The following CRYBG1 variants were observed in gnomAD, a reference collection of about 807,000 sequenced individuals.
The protein encoded by CRYBG1 is crystallin beta-gamma domain containing 1, also known as beta/gamma crystallin domain-containing protein 1.
A neutral mutation model predicts 189.2 loss-of-function variants in CRYBG1; 139 were observed. The ratio of observed to expected loss-of-function variants is 0.73; its 90% CI spans 0.64 to 0.85. CRYBG1 has a LOEUF of 0.85. Ranked by LOEUF, CRYBG1 falls within the 40% of genes least tolerant of loss-of-function variation. The pLI, the probability that CRYBG1 is intolerant of heterozygous loss-of-function variation, is 0.00. For synonymous variants in CRYBG1, 1,023 were observed against 1,017.1 expected, an observed-to-expected ratio of 1.01 and a Z score of -0.11; for missense variants, 2,611 against 2,675.8, an observed-to-expected ratio of 0.98 and a Z score of 0.53.
In CRYBG1 at chr6:106,553,639, A is replaced by G. The variant is rs1223822007; in HGVS notation, c.5585+72A>G. On this transcript the variant is annotated intron_variant, in intron 16 of 21. Coordinates refer to ENST00000633556, the MANE Select transcript of CRYBG1 (RefSeq NM_001371242.2). ...AGAATTCACACATCAGCAAGTATAT[A>G]GTGATGCCTGTTAGGTGCTTGGCAC... 9.8e-6 allele frequency: 10 copies of G among 1,023,248 alleles called. No homozygotes were observed. The East Asian group carries it at 1.2e-4, about 12-fold the overall frequency. The allele number at this position is 1,023,248 out of a possible 1,614,324, so 63.4% of individuals were successfully genotyped here.
intron 9 of CRYBG1, chr6:106,541,081 C>A: frequency 3.1e-6 from 1 of 323,272 alleles, no homozygotes; most frequent in Non-Finnish European, 6.2e-6. Context: ...TTTCGTAAGC[C>A]CTGGTTGCAA....
At position 106,571,406 on chromosome 6, in the gene CRYBG1, T is replaced by C. The variant is rs949314557; in HGVS notation, c.*2840T>C. 1.2e-4 allele frequency: 19 copies of C among 152,458 alleles called. No homozygotes were observed. The highest frequency in any genetic ancestry group is 4.3e-4 in the African/African-American group (18 of 41,442). The allele number at this position is 152,458 out of a possible 1,614,324, so 9.4% of individuals were successfully genotyped here. A position where few individuals can be genotyped will look rare whatever the true frequency, so the allele number is the denominator to read the frequency against. ...ACACTGAAAGTTTTAGTATTGTACA[T>C]TAAGACGATCAGGCCCAGCAGGGTG... On this transcript the variant is annotated 3_prime_UTR_variant, in exon 22 of 22. Coordinates refer to ENST00000633556, the MANE Select transcript of CRYBG1 (RefSeq NM_001371242.2).
chr6:106,552,192 C>T lies in CRYBG1; in HGVS notation c.5448C>T (p.Phe1816=). 6.3e-7 allele frequency: 1 copy of T among 1,584,896 alleles called. No homozygotes were observed. The highest frequency in any genetic ancestry group is 8.6e-7 in the Non-Finnish European group (1 of 1,161,502). Residue 1816 remains phenylalanine, a synonymous_variant, in exon 15 of 22, where the codon TTC becomes TTT. Transcript: ENST00000633556. ...SSVQPICLDS[F]TGPRRRNQIH... ...CCTTTAAAAATTTTTAGGATTCTTT[C>T]ACTGGCCCAAGGAGACGAAATCAGG...
chr6:106,544,583 T>C lies in CRYBG1; in HGVS notation c.5052T>C (p.Tyr1684=), dbSNP rs1774218039. 7 of 1,613,824 alleles carry C rather than the reference T, an allele frequency of 4.3e-6. No homozygotes were observed. The highest frequency in any genetic ancestry group is 5.9e-6 in the Non-Finnish European group (7 of 1,179,842). The part of the protein sequence containing the change: ...MKVLRGIWVA[Y]EKPGFTGHQY... ...CTTTATGTTGCAGTTGGGTTGCATATGAGAAACCTGGATTTACCGGTCATC... is the reference window on the plus strand; with the variant it reads ...CTTTATGTTGCAGTTGGGTTGCATACGAGAAACCTGGATTTACCGGTCATC... Residue 1684 remains tyrosine, a synonymous_variant, in exon 12 of 22, where the codon TAT becomes TAC. Coordinates refer to ENST00000633556, the MANE Select transcript of CRYBG1 (RefSeq NM_001371242.2).
intron 1 of CRYBG1, among the ~76,000 whole-genome samples, chr6:106,390,535 C>A (rs745355001): frequency 1.1e-4 from 16 of 152,046 alleles, no homozygotes; most frequent in Non-Finnish European, 2.1e-4. Flanking sequence ...TAACCACAAT[C>A]CAGATAAAAA....
At chr6:106,419,396 T>C (rs1458940650) in intron 1 of CRYBG1, among the ~76,000 whole-genome samples, 1 of 152,204 alleles carries the variant, frequency 6.6e-6, no homozygotes, top group Non-Finnish European at 1.5e-5. Context: ...TGCTTGTTGG[T>C]TTTTGAGACA....
At chr6:106,524,458 C>T (rs376598855) in intron 4 of CRYBG1, among the ~76,000 whole-genome samples, 90 of 151,958 alleles carry the variant, frequency 5.9e-4, no homozygotes, top group African/African-American at 2.1e-3. Flanking sequence ...CCCAGCTACT[C>T]GGGAGGCTGA....
In CRYBG1 at chr6:106,407,362, A is replaced by G. The variant is rs527660141; in HGVS notation, c.174-44332A>G. ...TATCCTAAATATATATGCACCCAATACAGGAGCACCCAGATTCATAAAGCA... is the reference window on the plus strand; with the variant it reads ...TATCCTAAATATATATGCACCCAATGCAGGAGCACCCAGATTCATAAAGCA... On this transcript the variant is annotated intron_variant, in intron 1 of 21. Coordinates refer to ENST00000633556, the MANE Select transcript of CRYBG1 (RefSeq NM_001371242.2). 9.9e-5 allele frequency among the ~76,000 whole-genome samples: 15 copies of G among 151,206 alleles called. 1 individual carries two copies. In the East Asian group the frequency reaches 2.9e-3, roughly 30 times the overall value.
Position 106,511,562 on chromosome 6 carries a change from C to T in CRYBG1, c.445C>T (p.Leu149Phe), listed in dbSNP as rs774956894. ...TCCCACCAGATCAAATGCCAAACCA[C>T]TCTCTCCCAAAGATGTGGTAGCCTC... ...ESPTRSNAKP[L>F]SPKDVVASPK... Residue 149 changes from leucine (L) to phenylalanine (F), a missense_variant, in exon 3 of 22, where the codon CTC becomes TTC. By Grantham distance (22) the Leu-to-Phe change is conservative (BLOSUM62 0). Coordinates refer to ENST00000633556, the MANE Select transcript of CRYBG1 (RefSeq NM_001371242.2). 4 of 1,535,866 alleles carry T rather than the reference C, an allele frequency of 2.6e-6. No homozygotes were observed. The highest frequency in any genetic ancestry group is 2.7e-5 in the African/African-American group (2 of 73,160).
At chr6:106,561,148 A>G (rs1774706203) in intron 19 of CRYBG1, among the ~76,000 whole-genome samples, 194 bp from the exon 20 acceptor site, 1 of 152,234 alleles carries the variant, frequency 6.6e-6, no homozygotes, top group Non-Finnish European at 1.5e-5. Context: ...ATCCACAGGC[A>G]GGCACCCTGC....
At chr6:106,481,765 G>A (rs576006635) in intron 2 of CRYBG1, among the ~76,000 whole-genome samples, 33 of 152,260 alleles carry the variant, frequency 2.2e-4, no homozygotes, top group African/African-American at 7.0e-4. Flanking sequence ...ACTGAAGGCC[G>A]GCCTATCCCT....
chr6:106,458,465 A>T (rs985248271), intron 2 of CRYBG1, among the ~76,000 whole-genome samples: 1 of 152,036 alleles, frequency 6.6e-6, no homozygotes, highest in African/African-American at 2.4e-5. Context: ...TGTACCTTGA[A>T]CTCAGTACTT....
chr6:106,385,158 G>C (rs1392385898), intron 1 of CRYBG1, among the ~76,000 whole-genome samples: 2 of 152,114 alleles, frequency 1.3e-5, no homozygotes, highest in East Asian at 1.9e-4. Context: ...CCCTGAAACA[G>C]CTCTCATAAC....
intron 2 of CRYBG1, among the ~76,000 whole-genome samples, chr6:106,485,881 G>A (rs1772583245): frequency 6.6e-6 from 1 of 152,168 alleles, no homozygotes; most frequent in African/African-American, 2.4e-5. Context: ...ATACCTTGTT[G>A]AGAATTTTTG....
At position 106,512,210 on chromosome 6, in the gene CRYBG1, C is replaced by G. The variant is rs769649792; in HGVS notation, c.1093C>G (p.Arg365Gly). The change falls in exon 3 of 22, where the codon CGC (arginine) becomes GGC (glycine). Residue 365 changes from arginine (R) to glycine (G), a missense_variant. Physicochemically the swap from Arg to Gly is moderately radical, Grantham distance 125 (BLOSUM62 -2). Coordinates refer to ENST00000633556, the MANE Select transcript of CRYBG1 (RefSeq NM_001371242.2). The stretch of plus-strand genomic sequence containing the variant: ...CTCCGCGCAGGCAGACTGCACAGCC[C>G]GCCCCAAGGGTCACGCCCACCCTGC... Reference protein sequence around the residue: ...ASSAQADCTARPKGHAHPAKV... With the variant: ...ASSAQADCTAGPKGHAHPAKV... 6.5e-6 allele frequency: 10 copies of G among 1,536,222 alleles called. No homozygotes were observed. The highest frequency in any genetic ancestry group is 8.7e-6 in the Non-Finnish European group (10 of 1,146,690).
chr6:106,367,390 C>T (rs1772022996), intron 1 of CRYBG1, among the ~76,000 whole-genome samples: 2 of 151,176 alleles, frequency 1.3e-5, no homozygotes, highest in South Asian at 4.2e-4. Context: ...AGATCCAGAC[C>T]ATCCTGGTCA....
In CRYBG1 at chr6:106,525,172, C is replaced by G. The variant is rs770941687; in HGVS notation, c.4285C>G (p.Pro1429Ala). 78 of 1,613,964 alleles carry G rather than the reference C, an allele frequency of 4.8e-5. No individual in the cohort carries two copies. The highest frequency in any genetic ancestry group is 1.6e-4 in the Middle Eastern group (1 of 6,082). ...GSVQNKLNPR[P>A]GKVVIYSEPD... is the part of the protein sequence containing the mutation. Reference sequence around the variant, plus strand: ...TGTCCAAAATAAACTCAATCCCCGACCTGGAAAGGTAAGATTATTTTCTGT... The same window carrying G: ...TGTCCAAAATAAACTCAATCCCCGAGCTGGAAAGGTAAGATTATTTTCTGT... Residue 1429 changes from proline to alanine, a missense_variant, in exon 5 of 22, where the codon CCT becomes GCT. Transcript: ENST00000633556.
intron 2 of CRYBG1, among the ~76,000 whole-genome samples, chr6:106,481,412 T>C (rs1437890118): frequency 6.6e-6 from 1 of 151,826 alleles, no homozygotes; most frequent in African/African-American, 2.4e-5. Context: ...TCATGAGAGG[T>C]AGATAAGGTA....
chr6:106,432,949 C>T (rs1243094903), intron 1 of CRYBG1, among the ~76,000 whole-genome samples: 2 of 149,090 alleles, frequency 1.3e-5, no homozygotes, highest in Non-Finnish European at 3.0e-5. Flanking sequence ...AGGCGATTCT[C>T]CTGCCTTAGA....
Sources: allele counts gnomAD v4.1 joint callset (sites outside exome capture counted in the v4.1 genomes callset), GRCh38; gene constraint gnomAD v4.1.1; transcripts MANE v1.5; gene names NCBI Gene and HGNC (gene_info 2026-07-23, HGNC 2026-07-21).